Variants in ZSWIM6 observed in about 807,000 individuals in gnomAD.
The protein encoded by ZSWIM6 is zinc finger SWIM domain-containing protein 6.
Under a neutral mutation model 113.2 loss-of-function variants are expected in ZSWIM6, and 9 were observed. The observed-to-expected ratio is 0.08, with a 90% CI of 0.05 to 0.14. The LOEUF is 0.14. Ranked by LOEUF, ZSWIM6 falls within the 10% of genes least tolerant of loss-of-function variation. The probability of loss-of-function intolerance (pLI) is 1.00; values close to 1 mark genes in which losing one functional copy is unlikely to be tolerated. For missense variants in ZSWIM6, 1,162 were observed against 1,552.2 expected (o/e 0.75, Z 4.22); for synonymous variants, 611 against 606.5 (o/e 1.01, Z -0.11).
At chr5:61,526,496 TA>T in intron 7 of ZSWIM6, 100 bp downstream of exon 7, 6 of 1,333,962 alleles carry the variant, frequency 4.5e-6, no homozygotes, top group African/African-American at 1.5e-5. Flanking sequence ...ACTAAAACCA[TA>T]GATGATGGCT....
In ZSWIM6 at chr5:61,371,757, A is replaced by T. The variant is rs373616330; in HGVS notation, c.676+38809A>T. On this transcript the variant is annotated intron_variant, in intron 1 of 13. Transcript: ENST00000252744. Reference sequence around the variant, plus strand: ...GTATGTGCCTCAAGGGGTGTAAATAACTAAGCTATTCATGTACTCATCAGT... The same window carrying T: ...GTATGTGCCTCAAGGGGTGTAAATATCTAAGCTATTCATGTACTCATCAGT... Among the ~76,000 whole-genome samples the T allele has an allele frequency of 2.0e-5, 3 of 152,074 alleles. No homozygotes were observed. In the East Asian group the frequency reaches 5.8e-4, roughly 29 times the overall value.
intron 2 of ZSWIM6, among the ~76,000 whole-genome samples, chr5:61,488,614 C>CTTCTGTATT (rs1320856071): frequency 3.3e-5 from 5 of 151,942 alleles, no homozygotes; most frequent in African/African-American, 1.2e-4. Flanking sequence ...CATAATAGGT[C>CTTCTGTATT]TCTGATCGTC....
At chr5:61,393,735 C>CAA (rs5868274) in intron 1 of ZSWIM6, among the ~76,000 whole-genome samples, 1 of 139,726 alleles carries the variant, frequency 7.2e-6, no homozygotes, top group Non-Finnish European at 1.6e-5. Flanking sequence ...GAAACTATCT[C>CAA]AAAAAAAAAA....
intron 1 of ZSWIM6, among the ~76,000 whole-genome samples, chr5:61,373,940 A>G (rs1450966432): frequency 6.6e-6 from 1 of 152,356 alleles, no homozygotes; most frequent in East Asian, 1.9e-4. Flanking sequence ...CTTTATGCAT[A>G]TGTGTCAAAT....
chr5:61,381,383 A>C (rs78247284), intron 1 of ZSWIM6, among the ~76,000 whole-genome samples: 2,557 of 152,374 alleles, frequency 0.017, 56 homozygotes, highest in African/African-American at 0.055. Flanking sequence ...AGAATGAGTC[A>C]TTCTGGGACT....
intron 2 of ZSWIM6, among the ~76,000 whole-genome samples, chr5:61,489,567 T>G (rs975310115): frequency 2.0e-5 from 3 of 152,058 alleles, no homozygotes; most frequent in African/African-American, 7.2e-5. Context: ...TTTTGCAGAT[T>G]AATCATATGA....
At chr5:61,429,226 A>G (rs892479390) in intron 1 of ZSWIM6, among the ~76,000 whole-genome samples, 2 of 152,162 alleles carry the variant, frequency 1.3e-5, no homozygotes, top group Non-Finnish European at 2.9e-5. Flanking sequence ...TTTGTTACAG[A>G]GAGAATGATG....
At chr5:61,422,968 T>A (rs1454798416) in intron 1 of ZSWIM6, among the ~76,000 whole-genome samples, 2 of 152,224 alleles carry the variant, frequency 1.3e-5, no homozygotes, top group Non-Finnish European at 2.9e-5. Flanking sequence ...GTTTTTAGAT[T>A]TTTCCAAATA....
At chr5:61,431,606 G>A (rs1376482953) in intron 1 of ZSWIM6, among the ~76,000 whole-genome samples, 3 of 150,334 alleles carry the variant, frequency 2.0e-5, no homozygotes, top group Non-Finnish European at 3.0e-5. Context: ...TTAGCCGGGC[G>A]TGGTGGTGGG....
chr5:61,451,303 AT>A (rs916042614), intron 1 of ZSWIM6, among the ~76,000 whole-genome samples: 1 of 152,036 alleles, frequency 6.6e-6, no homozygotes, highest in Non-Finnish European at 1.5e-5. Flanking sequence ...ACTACTTTTT[AT>A]TTTTTTAATC....
intron 1 of ZSWIM6, among the ~76,000 whole-genome samples, chr5:61,348,145 C>G (rs894962103): frequency 6.6e-6 from 1 of 152,104 alleles, no homozygotes; most frequent in African/African-American, 2.4e-5. Flanking sequence ...GGCGTCAACC[C>G]GGGAGGTGGA....
At chr5:61,348,361 A>G (rs1055882416) in intron 1 of ZSWIM6, among the ~76,000 whole-genome samples, 3 of 152,230 alleles carry the variant, frequency 2.0e-5, no homozygotes, top group South Asian at 4.1e-4. Context: ...ATGTAGCCGT[A>G]TTTAGATATA....
chr5:61,379,138 C>T (rs949232173), intron 1 of ZSWIM6, among the ~76,000 whole-genome samples: 1 of 129,262 alleles, frequency 7.7e-6, no homozygotes, highest in East Asian at 2.5e-4. Context: ...CTACTGTGAT[C>T]ATGCCTCTCT....
At chr5:61,333,406 C>T (rs1744311709) in intron 1 of ZSWIM6, among the ~76,000 whole-genome samples, 1 of 151,736 alleles carries the variant, frequency 6.6e-6, no homozygotes, top group African/African-American at 2.4e-5. Flanking sequence ...CTCGGCGCTC[C>T]CCCCCTCTCC....
intron 1 of ZSWIM6, among the ~76,000 whole-genome samples, chr5:61,340,468 A>G (rs1390679172): frequency 6.6e-6 from 1 of 152,222 alleles, no homozygotes; most frequent in East Asian, 1.9e-4. Flanking sequence ...ACAGATCCAC[A>G]GTTCATTTCT....
rs1749744941 is a variant in ZSWIM6 at position 61,541,796 on chromosome 5, C to A, written c.2704-88C>A. 12 of 1,000,136 alleles carry A rather than the reference C, an allele frequency of 1.2e-5. 1 individual carries two copies. In the South Asian group the frequency reaches 1.6e-4, roughly 13 times the overall value. 62.0% of individuals were successfully genotyped at this position (1,000,136 alleles called of 1,614,324 possible). ...TTCCTGGTGGTAGACAGTAGGTATG[C>A]CTTATATGCCTTATAGTTTATCCCC... On this transcript the variant is annotated intron_variant, in intron 12 of 13. Transcript: ENST00000252744.
chr5:61,367,044 G>C (rs1415496852), intron 1 of ZSWIM6, among the ~76,000 whole-genome samples: 1 of 151,806 alleles, frequency 6.6e-6, no homozygotes, highest in Non-Finnish European at 1.5e-5. Context: ...AAAGAAAGAA[G>C]ACTTAAGAAT....
intron 1 of ZSWIM6, among the ~76,000 whole-genome samples, chr5:61,403,606 T>A (rs1745983140): frequency 6.6e-6 from 1 of 152,210 alleles, no homozygotes; most frequent in Non-Finnish European, 1.5e-5. Context: ...AAAGGAACAC[T>A]TTGTCTTCAG....
chr5:61,380,367 C>T (rs1382090576), intron 1 of ZSWIM6, among the ~76,000 whole-genome samples: 2 of 152,236 alleles, frequency 1.3e-5, no homozygotes, highest in African/African-American at 2.4e-5. Context: ...TGAGCCACTG[C>T]ACCCAGCCCA....
Sources: allele counts gnomAD v4.1 joint callset (sites outside exome capture counted in the v4.1 genomes callset), GRCh38; gene constraint gnomAD v4.1.1; transcripts MANE v1.5; gene names NCBI Gene and HGNC (gene_info 2026-07-23, HGNC 2026-07-21).